GCNT2: variants seen among roughly 807,000 people sequenced by gnomAD.
The protein encoded by GCNT2 is N-acetyllactosaminide beta-1,6-N-acetylglucosaminyl-transferase.
GCNT2 carries 34 observed loss-of-function variants against 34.2 expected under a neutral mutation model. That is an observed-to-expected ratio of 1.00 (90% CI 0.76 to 1.32). The LOEUF (loss-of-function observed/expected upper bound fraction) is 1.32. Ranked by LOEUF, GCNT2 falls within the 40% of genes most tolerant of loss-of-function variation. The pLI, the probability that GCNT2 is intolerant of heterozygous loss-of-function variation, is 0.00. For missense variants in GCNT2, 584 were observed against 489.4 expected (o/e 1.19, Z -1.82); for synonymous variants, 212 against 188.0 (o/e 1.13, Z -1.04).
intron 1 of GCNT2, among the ~76,000 whole-genome samples, chr6:10,523,835 T>A (rs1172324645): frequency 6.6e-6 from 1 of 151,670 alleles, no homozygotes; most frequent in Non-Finnish European, 1.5e-5. Flanking sequence ...TAGCCGGGCT[T>A]GGTGGTGGGC....
intron 3 of GCNT2, among the ~76,000 whole-genome samples, chr6:10,539,127 G>T (rs1180547356): frequency 6.8e-6 from 1 of 146,686 alleles, no homozygotes; most frequent in African/African-American, 2.5e-5. Flanking sequence ...CACTGGTGGG[G>T]TTTAGAAACA....
chr6:10,588,836 T>C (rs1055080368), intron 3 of GCNT2, among the ~76,000 whole-genome samples: 2 of 144,000 alleles, frequency 1.4e-5, no homozygotes, highest in African/African-American at 5.4e-5. Flanking sequence ...AGTGTATGTG[T>C]GTGGTGTGTG....
chr6:10,565,841 C>T (rs907650831), intron 3 of GCNT2, among the ~76,000 whole-genome samples: 10 of 152,156 alleles, frequency 6.6e-5, no homozygotes, highest in African/African-American at 2.4e-4. Flanking sequence ...ACTAGTTTCC[C>T]TGTTCCGTGC....
At chr6:10,587,622 T>G (rs953052320) in intron 3 of GCNT2, among the ~76,000 whole-genome samples, 3 of 152,234 alleles carry the variant, frequency 2.0e-5, no homozygotes, top group Non-Finnish European at 2.9e-5. Context: ...CTTCTTGTTT[T>G]TATATACTGT....
At chr6:10,562,728 G>T (rs937462035) in intron 3 of GCNT2, among the ~76,000 whole-genome samples, 2 of 151,754 alleles carry the variant, frequency 1.3e-5, no homozygotes, top group African/African-American at 2.4e-5. Flanking sequence ...AATCACAGGG[G>T]TGAAGAATGC....
chr6:10,538,437 A>AAAAAATATATATATAT (rs1554127249), intron 3 of GCNT2, among the ~76,000 whole-genome samples: 3 of 73,346 alleles, frequency 4.1e-5, no homozygotes, highest in Admixed American at 2.9e-4. Flanking sequence ...AAAAAAAAAA[A>AAAAAATATATATATAT]ATATATATAT....
At chr6:10,609,928 C>G in intron 3 of GCNT2, among the ~76,000 whole-genome samples, 1 of 152,114 alleles carries the variant, frequency 6.6e-6, no homozygotes, top group East Asian at 1.9e-4. Flanking sequence ...TGGGGCATCT[C>G]AAGCTGGCTT....
intron 3 of GCNT2, among the ~76,000 whole-genome samples, chr6:10,591,210 C>T (rs1210543877): frequency 6.6e-6 from 1 of 152,200 alleles, no homozygotes; most frequent in East Asian, 1.9e-4. Context: ...TCCTACGCTG[C>T]ATGCATCACT....
At chr6:10,544,677 C>T (rs1475780064) in intron 3 of GCNT2, among the ~76,000 whole-genome samples, 1 of 151,686 alleles carries the variant, frequency 6.6e-6, no homozygotes, top group Non-Finnish European at 1.5e-5. Context: ...GGCATGATGG[C>T]TCATGCCTGT....
intron 3 of GCNT2, among the ~76,000 whole-genome samples, chr6:10,542,668 C>T (rs9466644): frequency 0.044 from 6,741 of 152,214 alleles, 485 homozygotes; most frequent in African/African-American, 0.15. Context: ...TCCGTGTTAT[C>T]GCGTGAATCA....
intron 3 of GCNT2, among the ~76,000 whole-genome samples, chr6:10,570,049 G>T (rs1052790729): frequency 3.3e-5 from 5 of 151,804 alleles, no homozygotes; most frequent in Non-Finnish European, 4.4e-5. Context: ...GCTCACAGCA[G>T]CCTCAACCTA....
In GCNT2 at chr6:10,558,863, CTT is replaced by C. The variant is rs1297639703; in HGVS notation, c.925+29028_925+29029del. 6.6e-5 allele frequency among the ~76,000 whole-genome samples: 10 copies of C among 152,240 alleles called. No individual in the cohort carries two copies. In the East Asian group the frequency reaches 1.9e-3, roughly 29 times the overall value. On this transcript the variant is annotated intron_variant, in intron 3 of 4. Coordinates refer to ENST00000495262, the MANE Select transcript of GCNT2 (RefSeq NM_145649.5). ...CTGCCTCTGCCTGGGTTCATCCTCT[CTT>C]CACCTTTGATCTGTTGTTTCCACCA...
intron 3 of GCNT2, among the ~76,000 whole-genome samples, chr6:10,566,032 T>A (rs1174983451): frequency 6.6e-6 from 1 of 152,142 alleles, no homozygotes. Context: ...CCTTGGCCTT[T>A]CCAGTGACTT....
At chr6:10,614,532 A>G in intron 3 of GCNT2, among the ~76,000 whole-genome samples, 1 of 151,352 alleles carries the variant, frequency 6.6e-6, no homozygotes, top group East Asian at 1.9e-4. Flanking sequence ...AGGCTGAAGC[A>G]GGAGAATCAC....
chr6:10,626,574 T>A lies in GCNT2; in HGVS notation c.1176T>A (p.Ser392Arg). The change falls in exon 5 of 5, where the codon AGT (serine) becomes AGA (arginine). Residue 392 changes from serine (S) to arginine (R), a missense_variant. Coordinates refer to ENST00000495262, the MANE Select transcript of GCNT2 (RefSeq NM_145649.5). ...LRHRERTLNQ[S>R]ETAIQPSWYF ...ATCGCGAAAGAACCCTCAATCAGAG[T>A]GAAACTGCGATACAACCCAGCTGGT... 3 of 1,613,810 alleles carry A rather than the reference T, an allele frequency of 1.9e-6. No individual in the cohort carries two copies. Among genetic ancestry groups the A allele is most frequent in the Non-Finnish European group, 2.5e-6 (3 of 1,179,814 alleles).
chr6:10,549,568 T>C (rs1446951758), intron 3 of GCNT2, among the ~76,000 whole-genome samples: 2,042 of 129,412 alleles, frequency 0.016, 45 homozygotes, highest in Non-Finnish European at 0.025. Flanking sequence ...TCTCTCTTTT[T>C]TTTTTTTTTT....
intron 3 of GCNT2, among the ~76,000 whole-genome samples, chr6:10,537,698 CAAAAAAAAA>C (rs201257236): frequency 6.1e-4 from 51 of 83,198 alleles, no homozygotes; most frequent in African/African-American, 2.8e-3. Flanking sequence ...GATTCTGCCG[CAAAAAAAAA>C]AAAAAAAAAA....
At chr6:10,556,166 A>G in intron 3 of GCNT2, 1 of 1,364,476 alleles carries the variant, frequency 7.3e-7, no homozygotes, top group Non-Finnish European at 9.4e-7. Context: ...GGGAGGAGGG[A>G]AGGCTGGGCT....
At chr6:10,531,117 G>A (rs1232081225) in intron 3 of GCNT2, among the ~76,000 whole-genome samples, 2 of 151,414 alleles carry the variant, frequency 1.3e-5, no homozygotes, top group Non-Finnish European at 2.9e-5. Flanking sequence ...ATTACATGAT[G>A]TGCTCAAATC....
Sources: gnomAD v4.1 joint callset for allele counts (sites outside exome capture counted in the v4.1 genomes callset) on GRCh38, gnomAD v4.1.1 for gene constraint, MANE v1.5 for transcripts, NCBI Gene and HGNC (gene_info 2026-07-23, HGNC 2026-07-21) for gene names.